The following ERC2 variants were observed in gnomAD, a reference collection of about 807,000 sequenced individuals.
ERC2 encodes the protein ERC protein 2.
A neutral mutation model predicts 114.8 loss-of-function variants in ERC2; 42 were observed. That is an observed-to-expected ratio of 0.37 (90% CI 0.29 to 0.47). The LOEUF is 0.47. Among genes scored for constraint, ERC2 ranks in the 20% least tolerant of loss-of-function variants. The pLI is 0.99. For missense variants in ERC2, 939 were observed against 1,150.7 expected (o/e 0.82, Z 2.66); for synonymous variants, 454 against 425.5 (o/e 1.07, Z -0.82).
At chr3:55,908,416 G>C (rs1230724249) in intron 13 of ERC2, among the ~76,000 whole-genome samples, 7 of 152,028 alleles carry the variant, frequency 4.6e-5, no homozygotes, top group Non-Finnish European at 8.8e-5. Flanking sequence ...GGCTGGGACA[G>C]GGAGGCAGGA....
intron 17 of ERC2, among the ~76,000 whole-genome samples, chr3:55,618,167 C>A (rs1362755782): frequency 2.0e-5 from 3 of 151,700 alleles, no homozygotes; most frequent in Non-Finnish European, 4.4e-5. Flanking sequence ...TTGGTTTGTA[C>A]CCTACCACCC....
chr3:56,342,725 T>G (rs969464176), intron 2 of ERC2, among the ~76,000 whole-genome samples: 1 of 152,228 alleles, frequency 6.6e-6, no homozygotes, highest in Non-Finnish European at 1.5e-5. Flanking sequence ...CTCATTCATA[T>G]ATTCTAGACC....
chr3:55,620,140 C>T (rs1274381256), intron 17 of ERC2, among the ~76,000 whole-genome samples: 1 of 152,156 alleles, frequency 6.6e-6, no homozygotes, highest in Admixed American at 6.5e-5. Context: ...ACCAGCGAGT[C>T]CCCAGGCAAT....
intron 12 of ERC2, among the ~76,000 whole-genome samples, chr3:55,971,368 C>A (rs987206422): frequency 6.6e-6 from 1 of 151,954 alleles, no homozygotes; most frequent in Non-Finnish European, 1.5e-5. Flanking sequence ...TAAAAAATTA[C>A]AAATGCTAGT....
chr3:55,668,564 A>T (rs2061442223), intron 17 of ERC2, among the ~76,000 whole-genome samples: 4 of 152,274 alleles, frequency 2.6e-5, no homozygotes, highest in Non-Finnish European at 5.9e-5. Flanking sequence ...CCGGCTGATG[A>T]CAACACCTCA....
chr3:55,627,824 A>C (rs993919852), intron 17 of ERC2, among the ~76,000 whole-genome samples: 2 of 145,328 alleles, frequency 1.4e-5, no homozygotes, highest in African/African-American at 5.0e-5. Context: ...AAAATATTAG[A>C]TGTTCCTTGG....
chr3:55,581,564 T>C (rs2057263135), intron 17 of ERC2, among the ~76,000 whole-genome samples: 1 of 152,068 alleles, frequency 6.6e-6, no homozygotes, highest in East Asian at 1.9e-4. Context: ...CAGGTGGAAA[T>C]GGTGCTCCTC....
At chr3:55,584,287 G>A (rs557989358) in intron 17 of ERC2, among the ~76,000 whole-genome samples, 29 of 152,212 alleles carry the variant, frequency 1.9e-4, no homozygotes, top group African/African-American at 7.0e-4. Flanking sequence ...CTGCAAAATG[G>A]GTTCAATAAC....
chr3:56,055,159 G>T (rs530283962), intron 7 of ERC2, among the ~76,000 whole-genome samples: 1 of 152,196 alleles, frequency 6.6e-6, no homozygotes, highest in African/African-American at 2.4e-5. Flanking sequence ...CTGCTCAACA[G>T]TTTGCCTCTT....
intron 2 of ERC2, among the ~76,000 whole-genome samples, chr3:56,399,272 C>G (rs1006468436): frequency 2.0e-5 from 3 of 152,168 alleles, no homozygotes; most frequent in East Asian, 1.9e-4. Flanking sequence ...ATAACATTAG[C>G]CTTACATTAA....
chr3:56,019,926 G>C (rs1025392891), intron 7 of ERC2, among the ~76,000 whole-genome samples: 1 of 152,170 alleles, frequency 6.6e-6, no homozygotes, highest in African/African-American at 2.4e-5. Context: ...TCTAAGATAA[G>C]TCCATTCAAA....
chr3:56,262,373 G>C (rs1264885801), intron 3 of ERC2, among the ~76,000 whole-genome samples: 3 of 152,204 alleles, frequency 2.0e-5, no homozygotes, highest in Non-Finnish European at 4.4e-5. Context: ...ATCAACAAGT[G>C]AGGATCTGCT....
chr3:56,142,428 T>A (rs552001234), intron 5 of ERC2, among the ~76,000 whole-genome samples: 28 of 152,302 alleles, frequency 1.8e-4, no homozygotes, highest in Admixed American at 3.9e-4. Context: ...CAATTACACT[T>A]TTATTTTCTG....
At chr3:56,315,472 T>C (rs2056820298) in intron 2 of ERC2, among the ~76,000 whole-genome samples, 1 of 152,206 alleles carries the variant, frequency 6.6e-6, no homozygotes, top group African/African-American at 2.4e-5. Flanking sequence ...TTGAGTAATA[T>C]CTGTTTGAGA....
chr3:55,617,393 G>A (rs888940665), intron 17 of ERC2, among the ~76,000 whole-genome samples: 1 of 152,154 alleles, frequency 6.6e-6, no homozygotes, highest in Admixed American at 6.5e-5. Context: ...AATGAGCATC[G>A]TGGGGCACAG....
chr3:56,115,395 T>C (rs2079174001), intron 6 of ERC2, among the ~76,000 whole-genome samples: 1 of 152,068 alleles, frequency 6.6e-6, no homozygotes, highest in South Asian at 2.1e-4. Flanking sequence ...GGGCTAACCA[T>C]AGGGTTGGTT....
intron 3 of ERC2, among the ~76,000 whole-genome samples, chr3:56,234,601 C>T (rs921393408): frequency 6.6e-6 from 1 of 152,154 alleles, no homozygotes; most frequent in Non-Finnish European, 1.5e-5. Context: ...ATGGTTATAA[C>T]AGAATATCAG....
chr3:55,716,905 G>T (rs1338584726), intron 15 of ERC2, among the ~76,000 whole-genome samples: 5 of 152,140 alleles, frequency 3.3e-5, no homozygotes, highest in African/African-American at 9.7e-5. Flanking sequence ...GTGTTTAGGG[G>T]CCCAGGGATT....
intron 4 of ERC2, among the ~76,000 whole-genome samples, chr3:56,160,789 G>T (rs2149988309): frequency 6.6e-6 from 1 of 152,310 alleles, no homozygotes; most frequent in South Asian, 2.1e-4. Context: ...GATGGCAATA[G>T]ATGTGTGTAT....
Sources: gnomAD v4.1 joint callset for allele counts (sites outside exome capture counted in the v4.1 genomes callset) on GRCh38, gnomAD v4.1.1 for gene constraint, MANE v1.5 for transcripts, NCBI Gene and HGNC (gene_info 2026-07-23, HGNC 2026-07-21) for gene names.